Variants in ASCC3 observed in about 807,000 individuals in gnomAD.
The protein encoded by ASCC3 is activating signal cointegrator 1 complex subunit 3.
In ASCC3, 158 loss-of-function variants were observed where a neutral mutation model predicts 256.3. That is an observed-to-expected ratio of 0.62 (90% CI 0.54 to 0.70). ASCC3 has a LOEUF of 0.70. ASCC3 is among the 30% of genes least tolerant of loss of function. The pLI is 0.00. For missense variants in ASCC3, 2,259 were observed against 2,626.0 expected, an observed-to-expected ratio of 0.86 and a Z score of 3.05; for synonymous variants, 948 against 883.4, an observed-to-expected ratio of 1.07 and a Z score of -1.30.
At chr6:100,628,980 G>A (rs771280887) in intron 27 of ASCC3, 35 bp downstream of exon 27, 5 of 1,590,468 alleles carry the variant, frequency 3.1e-6, no homozygotes, top group Non-Finnish European at 4.3e-6. Flanking sequence ...CAAAGTTAAA[G>A]TTTGTAAACT....
At chr6:100,565,911 T>A (rs571095302) in intron 36 of ASCC3, among the ~76,000 whole-genome samples, 220 of 152,118 alleles carry the variant, frequency 1.4e-3, no homozygotes, top group African/African-American at 5.0e-3. Context: ...GTCACAAGAC[T>A]GTGTACTTTT....
rs1462285600 is a variant in ASCC3, at chr6:100,509,196, C to T, written c.*190G>A. Reference sequence around the variant, plus strand: ...ATAAAGATAACATTATAAAAGGCAACATTTGTTAAAAGGCCACTGTGGTTA... The same window carrying T: ...ATAAAGATAACATTATAAAAGGCAATATTTGTTAAAAGGCCACTGTGGTTA... On this transcript the variant is annotated 3_prime_UTR_variant, in exon 42 of 42. Transcript: ENST00000369162. 7 of 678,190 alleles carry T rather than the reference C, an allele frequency of 1.0e-5. No individual in the cohort carries two copies. Among genetic ancestry groups the T allele is most frequent in the African/African-American group, 3.6e-5 (2 of 55,774 alleles). The allele number at this position is 678,190 out of a possible 1,614,324, so 42.0% of individuals were successfully genotyped here. A position where few individuals can be genotyped will look rare whatever the true frequency, so the allele number is the denominator to read the frequency against.
At chr6:100,800,826 A>T (rs1582883489) in intron 5 of ASCC3, among the ~76,000 whole-genome samples, 1 of 151,740 alleles carries the variant, frequency 6.6e-6, no homozygotes, top group South Asian at 2.1e-4. Context: ...ATTTGTTTAT[A>T]TAATTTTAAT....
Position 100,865,816 on chromosome 6 carries a change from T to C in ASCC3, c.91-1602A>G, listed in dbSNP as rs189721407. ...ATGGTTCATTTCTTCGTATGTTCAA[T>C]TGATAGAGCTTCAGGCCTATAAAAT... On this transcript the variant is annotated intron_variant, in intron 2 of 41. Transcript: ENST00000369162. 4.1e-4 allele frequency among the ~76,000 whole-genome samples: 63 copies of C among 152,278 alleles called. No individual in the cohort carries two copies. In the East Asian group the frequency reaches 7.7e-3, roughly 19 times the overall value.
At chr6:100,634,409 T>C (rs1275706490) in intron 25 of ASCC3, among the ~76,000 whole-genome samples, 1 of 152,140 alleles carries the variant, frequency 6.6e-6, no homozygotes, top group Non-Finnish European at 1.5e-5. Flanking sequence ...CCCTTCCCCC[T>C]ACCCAAATGG....
chr6:100,777,011 C>T (rs1422670022), intron 8 of ASCC3, among the ~76,000 whole-genome samples: 3 of 152,036 alleles, frequency 2.0e-5, no homozygotes, highest in East Asian at 1.9e-4. Flanking sequence ...CCACACACTC[C>T]GTCCAAGTTT....
chr6:100,828,530 G>A (rs529343910), intron 4 of ASCC3, among the ~76,000 whole-genome samples: 1 of 151,970 alleles, frequency 6.6e-6, no homozygotes, highest in East Asian at 1.9e-4. Context: ...TCTTAAGGTG[G>A]CGCATCTGGA....
rs550542242 is a variant in ASCC3 at position 100,624,871 on chromosome 6, A to G, written c.4785+321T>C. 3.9e-5 allele frequency among the ~76,000 whole-genome samples: 6 copies of G among 152,040 alleles called. No homozygotes were observed. In the South Asian group the frequency reaches 1.2e-3, roughly 31 times the overall value. On this transcript the variant is annotated intron_variant, in intron 30 of 41. Coordinates refer to ENST00000369162, the MANE Select transcript of ASCC3 (RefSeq NM_006828.4). ...CCTAAAATTAAAAAAAGATTATTAT[A>G]TATTTTTTAAAACCCAAATTTTGCA...
At chr6:100,606,690 C>T in intron 32 of ASCC3, 50 bp downstream of exon 32, 2 of 1,526,792 alleles carry the variant, frequency 1.3e-6, no homozygotes, top group East Asian at 2.3e-5. Context: ...TTCAAATTTA[C>T]TCAGGGTAAA....
intron 36 of ASCC3, among the ~76,000 whole-genome samples, chr6:100,573,334 C>A (rs567196344): frequency 1.3e-5 from 2 of 152,182 alleles, no homozygotes; most frequent in South Asian, 4.1e-4. Flanking sequence ...CAGTTGTAAT[C>A]ACCATTATTC....
chr6:100,718,052 T>C (rs1214231338), intron 12 of ASCC3, 23 bp downstream of exon 12: 2 of 1,604,370 alleles, frequency 1.2e-6, no homozygotes, highest in Non-Finnish European at 8.5e-7. Context: ...TATTTTTAGA[T>C]AAGAATTAAA....
intron 14 of ASCC3, among the ~76,000 whole-genome samples, chr6:100,666,785 C>T (rs1344940506): frequency 6.6e-6 from 1 of 151,974 alleles, no homozygotes; most frequent in Non-Finnish European, 1.5e-5. Flanking sequence ...TGTTATTGTA[C>T]TAAATTATTT....
intron 4 of ASCC3, among the ~76,000 whole-genome samples, chr6:100,843,592 A>C (rs902195223): frequency 6.6e-5 from 10 of 152,184 alleles, no homozygotes; most frequent in African/African-American, 2.4e-4. Flanking sequence ...ATACATCTCC[A>C]ATATGCTAGC....
At chr6:100,519,890 GA>G (rs1458596213) in intron 37 of ASCC3, among the ~76,000 whole-genome samples, 2 of 152,046 alleles carry the variant, frequency 1.3e-5, no homozygotes, top group African/African-American at 4.8e-5. Flanking sequence ...CTACTTATAT[GA>G]AATAAATTAA....
At chr6:100,865,906 G>A (rs1180857729) in intron 2 of ASCC3, among the ~76,000 whole-genome samples, 1 of 152,016 alleles carries the variant, frequency 6.6e-6, no homozygotes, top group Non-Finnish European at 1.5e-5. Context: ...TATGAAACCT[G>A]TTATTATATT....
At chr6:100,557,321 A>T (rs915227107) in intron 36 of ASCC3, among the ~76,000 whole-genome samples, 1 of 152,132 alleles carries the variant, frequency 6.6e-6, no homozygotes, top group Non-Finnish European at 1.5e-5. Flanking sequence ...GCTGGATCTC[A>T]TAAGTACTGT....
rs761598682 is a variant in ASCC3, at chr6:100,848,330, C to T, written c.619G>A (p.Ala207Thr). Residue 207 changes from alanine to threonine, a missense_variant, in exon 4 of 42, where the codon GCT (alanine) becomes ACT (threonine). Around this residue, in one of 2 missense-constraint regions of ASCC3, gnomAD observed 420 missense variants for 419.3 expected, o/e 1.00. Transcript: ENST00000369162. ...ACAGGCTTGAGTTCTGGGGTGCAAG[C>T]CTCCTGGAGATGTTCATTCAGAAAC... ...KKFLNEHLQE[A>T]CTPELKPVEK... is the part of the protein sequence containing the mutation. The T allele has an allele frequency of 1.9e-6, 3 of 1,614,066 alleles. No individual in the cohort carries two copies. Among genetic ancestry groups the T allele is most frequent in the Non-Finnish European group, 2.5e-6 (3 of 1,180,012 alleles).
chr6:100,738,955 T>G (rs1385417389), intron 10 of ASCC3, among the ~76,000 whole-genome samples: 6 of 152,182 alleles, frequency 3.9e-5, no homozygotes, highest in Non-Finnish European at 8.8e-5. Context: ...CTGATTGCCC[T>G]GGTGAAAACT....
intron 11 of ASCC3, among the ~76,000 whole-genome samples, chr6:100,724,437 G>T (rs1003864035): frequency 6.6e-6 from 1 of 151,874 alleles, no homozygotes; most frequent in Non-Finnish European, 1.5e-5. Flanking sequence ...GGTGGTGAGG[G>T]ATAGGTTTAA....
Sources: allele counts gnomAD v4.1 joint callset (sites outside exome capture counted in the v4.1 genomes callset), GRCh38; gene constraint gnomAD v4.1.1; regional missense constraint gnomAD v4.1.1; transcripts MANE v1.5; gene names NCBI Gene and HGNC (gene_info 2026-07-23, HGNC 2026-07-21).